CDHR2: variants seen among roughly 807,000 people sequenced by gnomAD.
CDHR2 encodes the protein cadherin-related family member 2.
In CDHR2, 104 loss-of-function variants were observed where a neutral mutation model predicts 138.6. That is an observed-to-expected ratio of 0.75 (90% confidence interval 0.64 to 0.88). The LOEUF (loss-of-function observed/expected upper bound fraction) is 0.88. CDHR2 is among the 40% of genes least tolerant of loss of function. CDHR2 has a pLI of 0.00. For synonymous variants in CDHR2, 755 were observed against 742.8 expected, an observed-to-expected ratio of 1.02 and a Z score of -0.27; for missense variants, 1,624 against 1,727.6, an observed-to-expected ratio of 0.94 and a Z score of 1.06.
rs1294880593 is a variant in CDHR2, at chr5:176,571,358, G to C, written c.405+56G>C. On this transcript the variant is annotated intron_variant, in intron 6 of 31. Coordinates refer to ENST00000261944, the MANE Select transcript of CDHR2 (RefSeq NM_017675.6). ...AGGGGGCATCCCAAAGTGCTTCTCAGAGTAGGAAGAGCCAGAGACAGTCAG... is the reference window on the plus strand; with the variant it reads ...AGGGGGCATCCCAAAGTGCTTCTCACAGTAGGAAGAGCCAGAGACAGTCAG... The C allele has an allele frequency of 3.1e-6, 4 of 1,289,334 alleles. No homozygotes were observed. In the African/African-American group the frequency reaches 4.5e-5, roughly 15 times the overall value. The allele number at this position is 1,289,334 out of a possible 1,614,324, so 79.9% of individuals were successfully genotyped here. A position where few individuals can be genotyped will look rare whatever the true frequency, so the allele number is the denominator to read the frequency against.
chr5:176,591,433 A>C lies in CDHR2; in HGVS notation c.3683A>C (p.Lys1228Thr). The change falls in exon 30 of 32, where the codon AAA (lysine) becomes ACA (threonine). Residue 1228 changes from lysine to threonine, a missense_variant. By Grantham distance (78) the Lys-to-Thr change is moderately conservative. Around this residue, in one of 3 missense-constraint regions of CDHR2, gnomAD observed 556 missense variants for 565.7 expected, o/e 0.98. Coordinates refer to ENST00000261944, the MANE Select transcript of CDHR2 (RefSeq NM_017675.6). ...RANPMLNLPNKDLGLEYLSPS... is the reference protein window; with the variant it reads ...RANPMLNLPNTDLGLEYLSPS... ...AACCCCATGCTGAACCTCCCCAACA[A>C]AGACCTGGGCTTGGAGTACCTCTCT... 6.2e-7 allele frequency: 1 copy of C among 1,613,966 alleles called. No homozygotes were observed. Among genetic ancestry groups the C allele is most frequent in the Non-Finnish European group, 8.5e-7 (1 of 1,179,996 alleles).
At chr5:176,577,993 A>G (rs1453782587) in intron 14 of CDHR2, 41 bp from the exon 15 acceptor site, 11 of 1,582,780 alleles carry the variant, frequency 6.9e-6, no homozygotes, top group Non-Finnish European at 8.6e-6. Context: ...CGGTGCGTGC[A>G]TCGCCTCCAC....
At chr5:176,581,625 G>A (rs1758536303) in intron 17 of CDHR2, 43 bp downstream of exon 17, 5 of 1,599,530 alleles carry the variant, frequency 3.1e-6, no homozygotes, top group Admixed American at 1.7e-5. Context: ...GGCCTCCCAA[G>A]CCGATAGCCA....
chr5:176,588,450 TGA>T (rs67733279), intron 21 of CDHR2, among the ~76,000 whole-genome samples: 92,779 of 149,718 alleles, frequency 0.62, 29,348 homozygotes, highest in Non-Finnish European at 0.69. Flanking sequence ...TGTGTGAGTG[TGA>T]GAGGGTGTGT....
intron 19 of CDHR2, 74 bp downstream of exon 19, chr5:176,585,089 C>A: frequency 6.9e-7 from 1 of 1,448,936 alleles, no homozygotes. Flanking sequence ...TGGGCTGGAA[C>A]TCACAAGGTC....
intron 17 of CDHR2, among the ~76,000 whole-genome samples, chr5:176,583,124 A>C (rs936912): frequency 0.21 from 32,319 of 152,208 alleles, 3,931 homozygotes; most frequent in South Asian, 0.41. Flanking sequence ...GGAGGGCTGC[A>C]AAGAGAGAAC....
intron 14 of CDHR2, 32 bp downstream of exon 14, chr5:176,577,830 G>T (rs1390498355): frequency 6.2e-7 from 1 of 1,610,398 alleles, no homozygotes; most frequent in Admixed American, 1.7e-5. Flanking sequence ...GGGCTGTGGG[G>T]TCCCAGCAAG....
intron 1 of CDHR2, among the ~76,000 whole-genome samples, chr5:176,552,433 A>C (rs966751531): frequency 6.6e-6 from 1 of 152,186 alleles, no homozygotes; most frequent in Non-Finnish European, 1.5e-5. Flanking sequence ...CAGGAGTGGG[A>C]GAGAGCAGCT....
intron 7 of CDHR2, among the ~76,000 whole-genome samples, 189 bp from the exon 8 acceptor site, chr5:176,574,895 A>G (rs1758328703): frequency 6.6e-6 from 1 of 152,092 alleles, no homozygotes; most frequent in Non-Finnish European, 1.5e-5. Flanking sequence ...CCTCCTTTCA[A>G]CCCACTGAGG....
At chr5:176,588,663 G>A (rs538423451) in intron 21 of CDHR2, among the ~76,000 whole-genome samples, 3 of 150,098 alleles carry the variant, frequency 2.0e-5, no homozygotes, top group East Asian at 3.9e-4. Flanking sequence ...CAGTGTGTGA[G>A]AGTGTGTGTG....
chr5:176,572,180 T>C (rs1758251273), intron 6 of CDHR2, among the ~76,000 whole-genome samples: 1 of 148,792 alleles, frequency 6.7e-6, no homozygotes, highest in African/African-American at 2.5e-5. Context: ...GGTCGGGAGT[T>C]GGAGACCAGC....
intron 29 of CDHR2, 31 bp from the exon 30 acceptor site, chr5:176,591,373 G>T (rs1035103983): frequency 6.8e-6 from 11 of 1,611,680 alleles, no homozygotes; most frequent in Non-Finnish European, 9.3e-6. Context: ...GTGGCTGAGG[G>T]CCAGGCAACT....
chr5:176,590,168 G>A (rs1024681725), intron 25 of CDHR2, 22 bp downstream of exon 25: 2 of 1,612,888 alleles, frequency 1.2e-6, no homozygotes, highest in African/African-American at 2.7e-5. Context: ...GAGGCCTGGG[G>A]GTGGGGTTGA....
Position 176,577,484 on chromosome 5 carries a change from C to T in CDHR2, c.1280C>T (p.Ala427Val). 1.2e-6 allele frequency: 2 copies of T among 1,611,274 alleles called. No homozygotes were observed. Among genetic ancestry groups the T allele is most frequent in the African/African-American group, 2.7e-5 (2 of 75,034 alleles). ...TCCCCGGAGCGGGCAGTGGGCTCAG[C>T]CTCCGTTCAGGTGCTGGTGAGAGTA... is the stretch of plus-strand genomic sequence containing the variant. ...SVSPERAVGS[A>V]SVQVLVRVSA... The change falls in exon 13 of 32, where the codon GCC (alanine) becomes GTC (valine). Residue 427 changes from alanine to valine, a missense_variant. By Grantham distance (64) the Ala-to-Val change is moderately conservative. This residue lies in a region of CDHR2 where 1,061 missense variants were observed against 1,136.6 expected (regional missense o/e 0.93). Coordinates refer to ENST00000261944, the MANE Select transcript of CDHR2 (RefSeq NM_017675.6).
Position 176,577,548 on chromosome 5 carries a change from G to A in CDHR2, c.1344G>A (p.Ala448=), listed in dbSNP as rs149193999. 618 of 1,613,550 alleles carry A rather than the reference G, an allele frequency of 3.8e-4. No homozygotes were observed. Among genetic ancestry groups the A allele is most frequent in the Middle Eastern group, 4.9e-4 (3 of 6,082 alleles). ...LVDYERQTAM[A]VQVVATDSVS... ...ACTACGAGAGGCAGACGGCGATGGC[G>A]GTGCAGGTGAGGGCTGCTCCGGGGT... The change falls in exon 13 of 32, where the codon GCG becomes GCA. Residue 448 remains alanine (A), a synonymous_variant. Coordinates refer to ENST00000261944, the MANE Select transcript of CDHR2 (RefSeq NM_017675.6).
At position 176,575,577 on chromosome 5, in the gene CDHR2, C is replaced by T. The variant is rs1303777695; in HGVS notation, c.840C>T (p.Ile280=). The change falls in exon 10 of 32, where the codon ATC becomes ATT. Residue 280 remains isoleucine (I), a synonymous_variant. Coordinates refer to ENST00000261944, the MANE Select transcript of CDHR2 (RefSeq NM_017675.6). The part of the protein sequence containing the change: ...KGINDPVIYS[I]SYSTRPGWFD... ...TCAATGACCCTGTGATCTACAGCAT[C>T]TCCTGTGAGAACGGGGTGTCCCCAG... 5 of 1,613,906 alleles carry T rather than the reference C, an allele frequency of 3.1e-6. No homozygotes were observed. The African/African-American group carries it at 6.7e-5, about 22-fold the overall frequency.
chr5:176,577,527 C>T lies in CDHR2; in HGVS notation c.1323C>T (p.Tyr441=), dbSNP rs114640533. 3.8e-4 allele frequency: 608 copies of T among 1,613,550 alleles called. 2 individuals are homozygous for T. In the African/African-American group the frequency reaches 6.2e-3, roughly 17 times the overall value. Residue 441 remains tyrosine (Y), a synonymous_variant, in exon 13 of 32, where the codon TAC becomes TAT. Transcript: ENST00000261944. ...VLVRVSALVD[Y]ERQTAMAVQV... ...TGAGAGTATCCGCGCTGGTGGACTA[C>T]GAGAGGCAGACGGCGATGGCGGTGC... is the stretch of plus-strand genomic sequence containing the variant.
At chr5:176,554,272 T>C (rs1757772008) in intron 1 of CDHR2, among the ~76,000 whole-genome samples, 1 of 152,126 alleles carries the variant, frequency 6.6e-6, no homozygotes, top group African/African-American at 2.4e-5. Context: ...CTGCAAGCAG[T>C]CTCAGACCCT....
chr5:176,563,080 G>A (rs1188092144), intron 1 of CDHR2, among the ~76,000 whole-genome samples: 1 of 152,132 alleles, frequency 6.6e-6, no homozygotes, highest in Admixed American at 6.6e-5. Flanking sequence ...GGGCGCAGTG[G>A]CTCACACCTG....
Sources: allele counts gnomAD v4.1 joint callset (sites outside exome capture counted in the v4.1 genomes callset), GRCh38; gene constraint gnomAD v4.1.1; regional missense constraint gnomAD v4.1.1; transcripts MANE v1.5; gene names NCBI Gene and HGNC (gene_info 2026-07-23, HGNC 2026-07-21).